MEGF10: variants seen among roughly 807,000 people sequenced by gnomAD.
The protein encoded by MEGF10 is multiple EGF like domains 10, also known as multiple epidermal growth factor-like domains protein 10.
In MEGF10, 86 loss-of-function variants were observed where a neutral mutation model predicts 147.5. That is an observed-to-expected ratio of 0.58 (90% confidence interval 0.49 to 0.70). The LOEUF is 0.70. Ranked by LOEUF, MEGF10 falls within the 30% of genes least tolerant of loss-of-function variation. MEGF10 has a pLI of 0.00. For synonymous variants in MEGF10, 478 were observed against 525.5 expected, an observed-to-expected ratio of 0.91 and a Z score of 1.24; for missense variants, 1,329 against 1,487.3, an observed-to-expected ratio of 0.89 and a Z score of 1.75.
At chr5:127,249,585 C>T in the MEGF10 span, among the ~76,000 whole-genome samples, 2 of 151,818 alleles carry the variant, frequency 1.3e-5, no homozygotes, top group Admixed American at 1.3e-4. Flanking sequence ...CTAAATATTA[C>T]AATTATGAGG....
chr5:127,389,288 C>T (rs769719593), intron 5 of MEGF10, among the ~76,000 whole-genome samples: 7 of 152,058 alleles, frequency 4.6e-5, no homozygotes, highest in Non-Finnish European at 5.9e-5. Context: ...CAGATGCTGG[C>T]GAGGTTGTTG....
chr5:127,232,489 A>G, the MEGF10 span, among the ~76,000 whole-genome samples: 3 of 152,192 alleles, frequency 2.0e-5, no homozygotes, highest in Admixed American at 1.3e-4. Flanking sequence ...TGTTCAGTTT[A>G]GTGTCCTAAG....
the MEGF10 span, among the ~76,000 whole-genome samples, chr5:127,264,077 A>T: frequency 6.6e-6 from 1 of 152,170 alleles, no homozygotes; most frequent in Non-Finnish European, 1.5e-5. Context: ...TACCAGTTGT[A>T]TAAATTGCCC....
chr5:127,243,202 A>C, the MEGF10 span, among the ~76,000 whole-genome samples: 4 of 152,286 alleles, frequency 2.6e-5, no homozygotes, highest in South Asian at 8.3e-4. Flanking sequence ...GTCAGGATAA[A>C]ATACAGATGT....
At chr5:127,454,453 C>A in intron 22 of MEGF10, 113 bp from the exon 23 acceptor site, 2 of 826,612 alleles carry the variant, frequency 2.4e-6, no homozygotes, top group South Asian at 1.8e-5. Context: ...TGAAGAGCAG[C>A]AGCCTGGTTG....
At chr5:127,329,925 C>T (rs1011945485) in intron 1 of MEGF10, among the ~76,000 whole-genome samples, 6 of 152,146 alleles carry the variant, frequency 3.9e-5, no homozygotes, top group South Asian at 2.1e-4. Flanking sequence ...CCGGGCCTGG[C>T]GCAGGTCCTA....
chr5:127,415,185 G>A (rs565800454), intron 9 of MEGF10, among the ~76,000 whole-genome samples: 36 of 152,170 alleles, frequency 2.4e-4, no homozygotes, highest in African/African-American at 8.4e-4. Context: ...GTGGCCAGAT[G>A]ATGAGGCCCC....
At chr5:127,285,488 A>C in the MEGF10 span, among the ~76,000 whole-genome samples, 2 of 152,152 alleles carry the variant, frequency 1.3e-5, no homozygotes, top group African/African-American at 4.8e-5. Flanking sequence ...ACCAACAAAA[A>C]AGTCTACTTA....
At chr5:127,373,690 T>C (rs529198552) in intron 5 of MEGF10, among the ~76,000 whole-genome samples, 2 of 152,218 alleles carry the variant, frequency 1.3e-5, no homozygotes, top group African/African-American at 4.8e-5. Flanking sequence ...AAGTTTAATA[T>C]AAAGAATATT....
intron 5 of MEGF10, among the ~76,000 whole-genome samples, chr5:127,379,725 G>T (rs989632858): frequency 6.6e-6 from 1 of 150,474 alleles, no homozygotes; most frequent in Non-Finnish European, 1.5e-5. Context: ...TCAGCCTCCT[G>T]AGTAGCTGGG....
chr5:127,461,145 C>G lies in MEGF10; in HGVS notation c.*3827C>G, dbSNP rs553108764. On this transcript the variant is annotated 3_prime_UTR_variant, in exon 25 of 25. Transcript: ENST00000503335. ...CTATTTTCCAAAGATGATAAACTTTCATCGTTCTTAGCCTACATTGTCATT... is the reference window on the plus strand; with the variant it reads ...CTATTTTCCAAAGATGATAAACTTTGATCGTTCTTAGCCTACATTGTCATT... 4.0e-4 allele frequency: 61 copies of G among 152,264 alleles called. 1 individual carries two copies. The highest frequency in any genetic ancestry group is 1.4e-3 in the African/African-American group (57 of 41,568). 9.4% of individuals were successfully genotyped at this position (152,264 alleles called of 1,614,324 possible).
chr5:127,229,606 G>C, the MEGF10 span: 24 of 152,890 alleles, frequency 1.6e-4, no homozygotes, highest in Admixed American at 1.4e-3. Flanking sequence ...CTCGAGGGGA[G>C]GCGAGGCGGC....
At chr5:127,344,778 CA>C (rs1761817389) in intron 4 of MEGF10, among the ~76,000 whole-genome samples, 1 of 152,130 alleles carries the variant, frequency 6.6e-6, no homozygotes, top group South Asian at 2.1e-4. Context: ...TTCTTGAAAA[CA>C]AAGAACTTTA....
chr5:127,284,646 A>G, the MEGF10 span, among the ~76,000 whole-genome samples: 7 of 152,088 alleles, frequency 4.6e-5, no homozygotes, highest in African/African-American at 1.7e-4. Flanking sequence ...AGCAGGAATA[A>G]TTATACATGC....
chr5:127,401,028 TTGTGAA>T (rs1242326471), intron 7 of MEGF10, among the ~76,000 whole-genome samples: 3 of 152,218 alleles, frequency 2.0e-5, no homozygotes, highest in African/African-American at 7.2e-5. Context: ...TTAAAGCTGC[TTGTGAA>T]TGTTAATCTT....
At chr5:127,427,092 C>T (rs897698831) in intron 13 of MEGF10, among the ~76,000 whole-genome samples, 1 of 152,188 alleles carries the variant, frequency 6.6e-6, no homozygotes, top group Non-Finnish European at 1.5e-5. Flanking sequence ...AAGTGCAAGC[C>T]GGATTTCTGC....
chr5:127,310,692 C>T (rs1489871516), intron 1 of MEGF10, among the ~76,000 whole-genome samples: 1 of 152,068 alleles, frequency 6.6e-6, no homozygotes, highest in African/African-American at 2.4e-5. Context: ...AGGGAGATCA[C>T]AAAGGCTCAT....
the MEGF10 span, among the ~76,000 whole-genome samples, chr5:127,246,438 ACAC>A: frequency 6.6e-6 from 1 of 151,988 alleles, no homozygotes; most frequent in East Asian, 1.9e-4. Flanking sequence ...GGAACATCAC[ACAC>A]CAGGGCCTGT....
At chr5:127,257,211 T>C in the MEGF10 span, among the ~76,000 whole-genome samples, 25 of 152,078 alleles carry the variant, frequency 1.6e-4, no homozygotes, top group African/African-American at 5.5e-4. Flanking sequence ...CAGTCCCTTC[T>C]CTGTGGGAAT....
Sources: allele counts gnomAD v4.1 joint callset (sites outside exome capture counted in the v4.1 genomes callset), GRCh38; gene constraint gnomAD v4.1.1; transcripts MANE v1.5; gene names NCBI Gene and HGNC (gene_info 2026-07-23, HGNC 2026-07-21).